Variants in DNAH9 observed in about 807,000 individuals in gnomAD.
DNAH9 encodes DNAH9 variant protein.
Under a neutral mutation model 471.6 loss-of-function variants are expected in DNAH9, and 345 were observed. The ratio of observed to expected loss-of-function variants is 0.73; its 90% CI spans 0.67 to 0.80. The LOEUF (loss-of-function observed/expected upper bound fraction) is 0.80, where lower values mean the gene tolerates loss of function less well. DNAH9 is among the 30% of genes least tolerant of loss of function. The pLI is 0.00. For synonymous variants in DNAH9, 2,093 were observed against 2,123.6 expected (o/e 0.99, Z 0.40); for missense variants, 5,407 against 5,609.2 (o/e 0.96, Z 1.15).
intron 13 of DNAH9, 117 bp from the exon 14 acceptor site, chr17:11,652,644 G>A (rs1234535414): frequency 1.0e-6 from 1 of 965,796 alleles, no homozygotes; most frequent in Admixed American, 2.3e-5. Flanking sequence ...GAAGTTACCT[G>A]TGTAGAAAAG....
chr17:11,665,068 C>T (rs2073844105), intron 15 of DNAH9, 100 bp downstream of exon 15: 2 of 1,073,652 alleles, frequency 1.9e-6, no homozygotes, highest in African/African-American at 3.2e-5. Context: ...TGTGACTTTT[C>T]CCAAAACGTT....
intron 14 of DNAH9, among the ~76,000 whole-genome samples, chr17:11,662,333 C>G (rs898215399): frequency 2.6e-5 from 4 of 152,012 alleles, no homozygotes; most frequent in Admixed American, 2.6e-4. Flanking sequence ...TCTTGAAATT[C>G]TTTTTCACTA....
chr17:11,902,660 A>G, intron 59 of DNAH9, 59 bp from the exon 60 acceptor site: 1 of 1,511,706 alleles, frequency 6.6e-7, no homozygotes, highest in South Asian at 1.2e-5. Context: ...ATCCCCCAAC[A>G]CAATGCAAAT....
intron 32 of DNAH9, among the ~76,000 whole-genome samples, chr17:11,751,940 A>G (rs1967170275): frequency 6.6e-6 from 1 of 152,232 alleles, no homozygotes; most frequent in African/African-American, 2.4e-5. Context: ...ACTTTTCTCA[A>G]TACTGGCAAG....
intron 50 of DNAH9, among the ~76,000 whole-genome samples, chr17:11,856,222 A>G (rs1971621182): frequency 6.6e-6 from 1 of 152,180 alleles, no homozygotes; most frequent in Admixed American, 6.5e-5. Context: ...CTGTATGTGC[A>G]TTCTAGGCAA....
intron 8 of DNAH9, among the ~76,000 whole-genome samples, chr17:11,633,951 A>G (rs990717092): frequency 1.3e-4 from 20 of 152,130 alleles, no homozygotes; most frequent in African/African-American, 4.6e-4. Flanking sequence ...GAGTCTTGCC[A>G]TTGCTTTTCT....
intron 67 of DNAH9, 45 bp downstream of exon 67, chr17:11,942,530 C>T: frequency 6.4e-7 from 1 of 1,570,518 alleles, no homozygotes; most frequent in African/African-American, 1.3e-5. Flanking sequence ...TGCTAGAGGA[C>T]ACAGATGGAC....
chr17:11,862,088 T>C (rs1017777206), intron 50 of DNAH9, among the ~76,000 whole-genome samples: 2 of 121,114 alleles, frequency 1.7e-5, no homozygotes, highest in Non-Finnish European at 3.8e-5. Context: ...AGACGTGAAG[T>C]CCTTGCCCAT....
intron 26 of DNAH9, among the ~76,000 whole-genome samples, chr17:11,712,166 A>C (rs1252650146): frequency 7.2e-6 from 1 of 139,570 alleles, no homozygotes; most frequent in Non-Finnish European, 1.5e-5. Flanking sequence ...TTATTCAATA[A>C]TAAATATATT....
chr17:11,692,015 G>C (rs1016274278), intron 20 of DNAH9, among the ~76,000 whole-genome samples: 1 of 152,094 alleles, frequency 6.6e-6, no homozygotes. Context: ...TGTTGGCCAG[G>C]CTGGTCTCGA....
intron 17 of DNAH9, among the ~76,000 whole-genome samples, chr17:11,675,292 C>T (rs376392209): frequency 2.4e-4 from 37 of 152,210 alleles, no homozygotes; most frequent in Admixed American, 1.1e-3. Context: ...TTTCATATCA[C>T]GCAATCCTGC....
chr17:11,810,408 C>A (rs1279318203), intron 45 of DNAH9, 39 bp downstream of exon 45: 2 of 1,596,584 alleles, frequency 1.3e-6, no homozygotes, highest in East Asian at 2.3e-5. Flanking sequence ...TGATAAATTC[C>A]CCCTGGAATC....
At chr17:11,637,554 G>A (rs972232561) in intron 9 of DNAH9, among the ~76,000 whole-genome samples, 20 of 151,976 alleles carry the variant, frequency 1.3e-4, no homozygotes, top group African/African-American at 4.1e-4. Context: ...CTATGACCCT[G>A]CCACTGCACC....
At chr17:11,635,700 A>G (rs1362421403) in intron 8 of DNAH9, among the ~76,000 whole-genome samples, 5 of 152,154 alleles carry the variant, frequency 3.3e-5, no homozygotes, top group Non-Finnish European at 5.9e-5. Flanking sequence ...AAAGCATCAC[A>G]ATGGAAGAAA....
intron 17 of DNAH9, among the ~76,000 whole-genome samples, chr17:11,678,735 G>T (rs963670570): frequency 6.6e-6 from 1 of 151,756 alleles, no homozygotes; most frequent in Non-Finnish European, 1.5e-5. Context: ...TATTTATTCT[G>T]CTTGGGATTT....
chr17:11,889,647 T>G (rs549806438), intron 57 of DNAH9, among the ~76,000 whole-genome samples: 387 of 152,358 alleles, frequency 2.5e-3, no homozygotes, highest in Non-Finnish European at 4.3e-3. Flanking sequence ...CAGGACATAG[T>G]CATCCATCCA....
intron 59 of DNAH9, among the ~76,000 whole-genome samples, chr17:11,896,986 A>C (rs541824137): frequency 3.3e-4 from 51 of 152,312 alleles, no homozygotes; most frequent in African/African-American, 1.2e-3. Flanking sequence ...GCTCCTTGGG[A>C]GGCTGAGGCT....
chr17:11,802,048 G>T (rs1047860148), intron 43 of DNAH9, among the ~76,000 whole-genome samples: 1 of 152,080 alleles, frequency 6.6e-6, no homozygotes, highest in Admixed American at 6.6e-5. Context: ...CAATTCTGAA[G>T]AATAAAATGT....
intron 25 of DNAH9, 89 bp from the exon 26 acceptor site, chr17:11,704,936 G>A: frequency 9.3e-7 from 1 of 1,073,776 alleles, no homozygotes; most frequent in Non-Finnish European, 1.4e-6. Context: ...GCAGTCAACA[G>A]CCAAGGCATC....
Sources: gnomAD v4.1 joint callset for allele counts (sites outside exome capture counted in the v4.1 genomes callset) on GRCh38, gnomAD v4.1.1 for gene constraint, MANE v1.5 for transcripts, NCBI Gene and HGNC (gene_info 2026-07-23, HGNC 2026-07-21) for gene names.